The following DMD variants were observed in gnomAD, a reference collection of about 807,000 sequenced individuals.
DMD encodes the protein dystrophin.
DMD carries 63 observed loss-of-function variants against 330.1 expected under a neutral mutation model. The ratio of observed to expected loss-of-function variants is 0.19; its 90% confidence interval spans 0.16 to 0.24. The LOEUF (loss-of-function observed/expected upper bound fraction) is 0.24. DMD is among the 10% of genes least tolerant of loss of function. The pLI is 1.00. For missense variants in DMD, 3,344 were observed against 2,684.1 expected, an observed-to-expected ratio of 1.25 and a Z score of -5.43; for synonymous variants, 1,223 against 959.8, an observed-to-expected ratio of 1.27 and a Z score of -5.07.
chrX:31,350,679 G>A (rs1295839275), intron 60 of DMD, among the ~76,000 whole-genome samples: 4 of 105,786 alleles, frequency 3.8e-5, no homozygotes, highest in African/African-American at 1.4e-4. Flanking sequence ...GAAGCGATGC[G>A]GAACAAACAA....
chrX:31,364,650 G>C (rs1206409689), intron 60 of DMD, among the ~76,000 whole-genome samples: 4 of 112,047 alleles, frequency 3.6e-5, no homozygotes, highest in Admixed American at 1.9e-4. Flanking sequence ...AGTTGCTCAA[G>C]AACCACAAAG....
intron 53 of DMD, among the ~76,000 whole-genome samples, chrX:31,659,763 T>C (rs764916825): frequency 9.1e-6 from 1 of 109,696 alleles, no homozygotes; most frequent in Admixed American, 9.7e-5. Flanking sequence ...CAGTAATCAC[T>C]GTAAAAAGAG....
intron 5 of DMD, among the ~76,000 whole-genome samples, chrX:32,817,302 T>C (rs778950682): frequency 9.0e-6 from 1 of 110,697 alleles, no homozygotes; most frequent in South Asian, 3.7e-4. Context: ...GAAGGAAATA[T>C]TTATCCCTAA....
At chrX:32,475,291 T>C (rs1449990660) in intron 21 of DMD, among the ~76,000 whole-genome samples, 2 of 111,685 alleles carry the variant, frequency 1.8e-5, no homozygotes, top group Admixed American at 1.9e-4. Context: ...GGTAGTGTGA[T>C]GCCTCCAGAT....
chrX:32,303,909 A>C (rs142393981), intron 42 of DMD, among the ~76,000 whole-genome samples: 1,431 of 110,971 alleles, frequency 0.013, 21 homozygotes, highest in African/African-American at 0.042. Context: ...TTCAATCAAA[A>C]GGCATTAAAG....
chrX:32,477,396 T>G (rs2041346190), intron 21 of DMD, among the ~76,000 whole-genome samples: 1 of 110,814 alleles, frequency 9.0e-6, no homozygotes. Context: ...AAAATTATAG[T>G]AAAGGAATAC....
At chrX:32,451,417 C>G (rs1449845106) in intron 26 of DMD, among the ~76,000 whole-genome samples, 2 of 109,943 alleles carry the variant, frequency 1.8e-5, no homozygotes, top group Non-Finnish European at 3.8e-5. Context: ...AAAATAAAAC[C>G]AGTTAATAAC....
At chrX:32,983,144 C>G (rs1486866877) in intron 2 of DMD, among the ~76,000 whole-genome samples, 1 of 111,102 alleles carries the variant, frequency 9.0e-6, no homozygotes, top group Non-Finnish European at 1.9e-5. Context: ...TTCAATGGAC[C>G]TGAATAAATA....
chrX:32,517,795 G>C, intron 18 of DMD: 1 of 440,687 alleles, frequency 2.3e-6, no homozygotes, highest in Admixed American at 4.1e-5. Context: ...GTTTATGAAA[G>C]GCATCCCTAG....
chrX:32,280,507 T>C (rs2097416427), intron 43 of DMD, among the ~76,000 whole-genome samples: 1 of 111,283 alleles, frequency 9.0e-6, no homozygotes, highest in African/African-American at 3.3e-5. Context: ...GAAGATCCAG[T>C]CTTGCATAAA....
intron 62 of DMD, chrX:31,266,781 A>C (rs752376373): frequency 2.5e-6 from 3 of 1,180,329 alleles, no homozygotes; most frequent in Non-Finnish European, 1.1e-6. Context: ...TGCGGCCATC[A>C]GACGGGGCCG....
At chrX:33,092,831 C>T (rs768762757) in intron 1 of DMD, among the ~76,000 whole-genome samples, 84 of 110,742 alleles carry the variant, frequency 7.6e-4, no homozygotes, top group African/African-American at 2.6e-3. Flanking sequence ...AGTTCCTCCT[C>T]GTCTTGTAGC....
At chrX:31,164,574 G>A (rs1314382111) in intron 74 of DMD, among the ~76,000 whole-genome samples, 1 of 111,207 alleles carries the variant, frequency 9.0e-6, no homozygotes, top group Non-Finnish European at 1.9e-5. Context: ...ATCCTCCCCC[G>A]AAATATCACT....
chrX:32,445,139 A>G (rs1178997192), intron 27 of DMD, among the ~76,000 whole-genome samples: 3 of 111,637 alleles, frequency 2.7e-5, no homozygotes, highest in African/African-American at 9.7e-5. Flanking sequence ...GTTAAACACT[A>G]CGAGGTACTA....
At chrX:32,339,686 C>G (rs769308799) in intron 41 of DMD, among the ~76,000 whole-genome samples, 85 of 111,807 alleles carry the variant, frequency 7.6e-4, no homozygotes, top group Non-Finnish European at 1.2e-3. Context: ...GAGTCTTTAT[C>G]TGTGAGATAA....
chrX:32,388,752 A>T (rs1284684820), intron 32 of DMD, among the ~76,000 whole-genome samples: 1 of 109,747 alleles, frequency 9.1e-6, no homozygotes, highest in African/African-American at 3.3e-5. Flanking sequence ...GTGACTTCCC[A>T]CTCTAATGGC....
chrX:32,407,461 A>T (rs1437646617), intron 30 of DMD, among the ~76,000 whole-genome samples: 1 of 111,549 alleles, frequency 9.0e-6, no homozygotes, highest in Non-Finnish European at 1.9e-5. Flanking sequence ...ATCATTAAAA[A>T]GTCAGGAAAC....
In DMD at chrX:32,454,705, T is replaced by C. The variant is rs760481477; in HGVS notation, c.3560A>G (p.Tyr1187Cys). 5.8e-6 allele frequency: 7 copies of C among 1,201,613 alleles called. No homozygotes were observed. Among genetic ancestry groups the C allele is most frequent in the Non-Finnish European group, 7.9e-6 (7 of 891,033 alleles). Residue 1187 changes from tyrosine (Y) to cysteine (C), a missense_variant, in exon 26 of 79, where the codon TAT becomes TGT. Transcript: ENST00000357033. ...EEEYLERDFE[Y>C]KTPDELQKAV... ...TTTCTGTAATTCATCTGGAGTTTTA[T>C]ATTCAAAATCTCTCTCAAGATACTC...
chrX:32,543,476 T>C (rs1400011480), intron 17 of DMD, among the ~76,000 whole-genome samples: 2 of 111,807 alleles, frequency 1.8e-5, no homozygotes, highest in African/African-American at 3.3e-5. Context: ...GGCAACTAGG[T>C]GTCCCTATTA....
Sources: gnomAD v4.1 joint callset for allele counts (sites outside exome capture counted in the v4.1 genomes callset) on GRCh38, gnomAD v4.1.1 for gene constraint, MANE v1.5 for transcripts, NCBI Gene and HGNC (gene_info 2026-07-23, HGNC 2026-07-21) for gene names.